Variants in LMNA observed in about 807,000 individuals in gnomAD.
LMNA encodes the protein lamin A/C, also known as lamin.
LMNA carries 20 observed loss-of-function variants against 70.4 expected under a neutral mutation model. The observed-to-expected ratio is 0.28, with a 90% CI of 0.20 to 0.41. The LOEUF (loss-of-function observed/expected upper bound fraction) is 0.41. Ranked by LOEUF, LMNA falls within the 10% of genes least tolerant of loss-of-function variation. LMNA has a pLI of 1.00. For missense variants in LMNA, 652 were observed against 917.2 expected (o/e 0.71, Z 3.73); for synonymous variants, 339 against 372.8 (o/e 0.91, Z 1.04).
At chr1:156,131,035 G>T (rs1651019527) in intron 2 of LMNA, among the ~76,000 whole-genome samples, 1 of 152,194 alleles carries the variant, frequency 6.6e-6, no homozygotes, top group African/African-American at 2.4e-5. Context: ...ACTTTAGGAG[G>T]CCGAGGTGGG....
chr1:156,122,302 T>C (rs748023308), intron 1 of LMNA, among the ~76,000 whole-genome samples: 2 of 152,102 alleles, frequency 1.3e-5, no homozygotes, highest in Non-Finnish European at 2.9e-5. Context: ...AAGAAAGGGA[T>C]TGGAGCGGAA....
At chr1:156,108,087 A>C (rs890771262) in intron 3 of LMNA, among the ~76,000 whole-genome samples, 6 of 152,142 alleles carry the variant, frequency 3.9e-5, no homozygotes, top group Non-Finnish European at 8.8e-5. Flanking sequence ...TTCTTGACAC[A>C]TAAAATGCAG....
In LMNA at chr1:156,137,622, G is replaced by T; in HGVS notation, c.1609-32G>T. 1 of 1,543,920 alleles carries T rather than the reference G, an allele frequency of 6.5e-7. No individual in the cohort carries two copies. The highest frequency in any genetic ancestry group is 1.2e-5 in the South Asian group (1 of 83,882). ...TGCTGTACAACCCTTCCCTGGCCCTGACCCTTGGACCTGGTTCCATGTCCC... is the reference window on the plus strand; with the variant it reads ...TGCTGTACAACCCTTCCCTGGCCCTTACCCTTGGACCTGGTTCCATGTCCC... On this transcript the variant is annotated intron_variant, in intron 9 of 11. Transcript: ENST00000368300. This position sits in a 1 kb window ranked among gnomAD's most constrained non-coding sequence, Gnocchi z 4.6.
In LMNA at chr1:156,136,137, G is replaced by A. The variant is rs534807; in HGVS notation, c.1157+16G>A. 0.089 allele frequency: 144,101 copies of A among 1,613,538 alleles called. 12,322 individuals carry two copies. The highest frequency in any genetic ancestry group is 0.45 in the African/African-American group (33,810 of 74,934). Reference sequence around the variant, plus strand: ...AGGAGGAGAGGTGGGCTGGGGAGACGTCGGGGAGGTGCTGGCAGTGTCCTC... The same window carrying A: ...AGGAGGAGAGGTGGGCTGGGGAGACATCGGGGAGGTGCTGGCAGTGTCCTC... On this transcript the variant is annotated intron_variant, in intron 6 of 11. Transcript: ENST00000368300. The surrounding 1 kb of genome is among the most constrained non-coding windows in gnomAD (Gnocchi z 6.1).
rs1164522299 is a variant in LMNA, at chr1:156,137,147, C to T, written c.1523C>T (p.Pro508Leu). 3 of 1,613,186 alleles carry T rather than the reference C, an allele frequency of 1.9e-6. No individual in the cohort carries two copies. Among genetic ancestry groups the T allele is most frequent in the Non-Finnish European group, 2.5e-6 (3 of 1,179,684 alleles). ...GCAGGAGCTGGGGCCACCCACAGCC[C>T]CCCTACCGACCTGGTGTGGAAGGCA... ...WAAGAGATHSPPTDLVWKAQN... is the reference protein window; with the variant it reads ...WAAGAGATHSLPTDLVWKAQN... Residue 508 changes from proline (P) to leucine (L), a missense_variant, in exon 9 of 12, where the codon CCC becomes CTC. Pro to Leu is a moderately conservative substitution (Grantham distance 98). Transcript: ENST00000368300. The surrounding 1 kb of genome is among the most constrained non-coding windows in gnomAD (Gnocchi z 4.6).
Position 156,137,527 on chromosome 1 carries a change from A to C in LMNA, c.1609-127A>C. 1 of 919,970 alleles carries C rather than the reference A, an allele frequency of 1.1e-6. No individual in the cohort carries two copies. The highest frequency in any genetic ancestry group is 1.7e-6 in the Non-Finnish European group (1 of 583,026). The allele number at this position is 919,970 out of a possible 1,614,324, so 57.0% of individuals were successfully genotyped here. On this transcript the variant is annotated intron_variant, in intron 9 of 11. Coordinates refer to ENST00000368300, the MANE Select transcript of LMNA (RefSeq NM_170707.4). The surrounding 1 kb of genome is among the most constrained non-coding windows in gnomAD (Gnocchi z 4.6). ...TTCCTTAGCTCCATCACCACAGAGG[A>C]CAGAGTAAGCAGCAGGCCGGACAAA... is the stretch of plus-strand genomic sequence containing the variant.
At chr1:156,107,156 G>A (rs570786000) in intron 3 of LMNA, among the ~76,000 whole-genome samples, 1 of 152,350 alleles carries the variant, frequency 6.6e-6, no homozygotes, top group Non-Finnish European at 1.5e-5. Context: ...AATTTGAGAA[G>A]GCTAAGGTAG....
At chr1:156,130,461 G>T (rs919632929) in intron 1 of LMNA, among the ~76,000 whole-genome samples, 156 bp from the exon 2 acceptor site, 1 of 152,072 alleles carries the variant, frequency 6.6e-6, no homozygotes, top group Non-Finnish European at 1.5e-5. Context: ...CAGCCCCAGA[G>T]GCAAGCAGAT....
chr1:156,088,321 T>C (rs1174485426), intron 2 of LMNA, among the ~76,000 whole-genome samples: 1 of 152,132 alleles, frequency 6.6e-6, no homozygotes, highest in Non-Finnish European at 1.5e-5. Flanking sequence ...TTTGTTTTCT[T>C]TTTTTTAACC....
Position 156,136,505 on chromosome 1 carries a change from G to A in LMNA, c.1380+69G>A, listed in dbSNP as rs1227091110. The A allele has an allele frequency of 2.8e-6, 4 of 1,440,176 alleles. No individual in the cohort carries two copies. The Admixed American group carries it at 7.9e-5, about 28-fold the overall frequency. 89.2% of individuals were successfully genotyped at this position (1,440,176 alleles called of 1,614,324 possible). A position where few individuals can be genotyped will look rare whatever the true frequency, so the allele number is the denominator to read the frequency against. On this transcript the variant is annotated intron_variant, in intron 7 of 11. Transcript: ENST00000368300. The surrounding 1 kb of genome is among the most constrained non-coding windows in gnomAD (Gnocchi z 6.1). ...GAGAGAGTGGCAAGACAGAAGGATG[G>A]CATGTGGAGAGAGGAACATCCTTGC...
intron 1 of LMNA, chr1:156,082,872 T>G (rs767495417): frequency 6.6e-6 from 1 of 152,180 alleles, no homozygotes; most frequent in Non-Finnish European, 1.5e-5. Flanking sequence ...GCTCGCTCAC[T>G]GCGGCTTTCT....
intron 1 of LMNA, among the ~76,000 whole-genome samples, chr1:156,117,887 A>G (rs1041202050): frequency 4.7e-5 from 7 of 150,346 alleles, no homozygotes; most frequent in Admixed American, 3.3e-4. Context: ...GCAGCCTGGA[A>G]CTCCTCCTGG....
intron 3 of LMNA, among the ~76,000 whole-genome samples, chr1:156,098,682 G>A (rs1649032259): frequency 6.6e-6 from 1 of 152,190 alleles, no homozygotes; most frequent in Non-Finnish European, 1.5e-5. Flanking sequence ...TGGAGAGGAT[G>A]GAGGGGGTGG....
At chr1:156,132,409 G>T (rs754806737) in intron 2 of LMNA, among the ~76,000 whole-genome samples, 6 of 152,100 alleles carry the variant, frequency 3.9e-5, no homozygotes, top group Non-Finnish European at 7.3e-5. Flanking sequence ...GGTGGAGGTT[G>T]CAGTGAGCCA....
Position 156,134,162 on chromosome 1 carries a change from G to A in LMNA, c.514-241G>A, listed in dbSNP as rs554613642. Among the ~76,000 whole-genome samples, 8 of 152,264 alleles carry A rather than the reference G, an allele frequency of 5.3e-5. No homozygotes were observed. In the South Asian group the frequency reaches 8.3e-4, roughly 16 times the overall value. On this transcript the variant is annotated intron_variant, in intron 2 of 11. Coordinates refer to ENST00000368300, the MANE Select transcript of LMNA (RefSeq NM_170707.4). This position sits in a 1 kb window ranked among gnomAD's most constrained non-coding sequence, Gnocchi z 5.3. ...CTCCTGAGTAGCTGGGACTACAGGC[G>A]TGTGCCACCATCATGCCTGGCTACT... is the stretch of plus-strand genomic sequence containing the variant.
upstream of LMNA, among the ~76,000 whole-genome samples, chr1:156,111,308 G>C (rs1232965973): frequency 6.6e-6 from 1 of 151,996 alleles, no homozygotes; most frequent in Non-Finnish European, 1.5e-5. Context: ...AATTAGCCGG[G>C]CGTGGTGGCA....
chr1:156,084,440 G>A (rs1193082773), intron 2 of LMNA, among the ~76,000 whole-genome samples: 1 of 151,888 alleles, frequency 6.6e-6, no homozygotes. Flanking sequence ...CTGGAGTTGG[G>A]GAAGTTTGCC....
At position 156,135,110 on chromosome 1, in the gene LMNA, G is replaced by A; in HGVS notation, c.811-77G>A. On this transcript the variant is annotated intron_variant, in intron 4 of 11. Coordinates refer to ENST00000368300, the MANE Select transcript of LMNA (RefSeq NM_170707.4). The surrounding 1 kb of genome is among the most constrained non-coding windows in gnomAD (Gnocchi z 4.8). ...GGGTGGCCCAGGACCTGGGGCTGTAGCAGTGATGCCCAACTCAGGCCTGTG... is the reference window on the plus strand; with the variant it reads ...GGGTGGCCCAGGACCTGGGGCTGTAACAGTGATGCCCAACTCAGGCCTGTG... 3 of 1,611,582 alleles carry A rather than the reference G, an allele frequency of 1.9e-6. No individual in the cohort carries two copies. The South Asian group carries it at 3.3e-5, about 18-fold the overall frequency.
At position 156,135,881 on chromosome 1, in the gene LMNA, A is replaced by T. The variant is rs1572362332; in HGVS notation, c.937-20A>T. On this transcript the variant is annotated intron_variant, in intron 5 of 11. Coordinates refer to ENST00000368300, the MANE Select transcript of LMNA (RefSeq NM_170707.4). The surrounding 1 kb of genome is among the most constrained non-coding windows in gnomAD (Gnocchi z 4.8). ...CTTAGGGCCCTTGGGAGCTCACCAA[A>T]CCCTCCCACCCCCCTTCAGCTGGCA... The T allele has an allele frequency of 6.2e-7, 1 of 1,606,410 alleles. No homozygotes were observed.
Sources: allele counts gnomAD v4.1 joint callset (sites outside exome capture counted in the v4.1 genomes callset), GRCh38; gene constraint gnomAD v4.1.1; non-coding constraint Gnocchi (gnomAD v3.1); transcripts MANE v1.5; gene names NCBI Gene and HGNC (gene_info 2026-07-23, HGNC 2026-07-21).